Variants in USH2A observed in about 807,000 individuals in gnomAD.
USH2A encodes Usher syndrome 2A (autosomal recessive, mild).
In USH2A, 443 loss-of-function variants were observed where a neutral mutation model predicts 538.9. The ratio of observed to expected loss-of-function variants is 0.82; its 90% CI spans 0.76 to 0.89. The LOEUF (loss-of-function observed/expected upper bound fraction) is 0.89. Among genes scored for constraint, USH2A ranks in the 40% least tolerant of loss-of-function variants. USH2A has a pLI of 0.00. For synonymous variants in USH2A, 2,413 were observed against 2,273.5 expected (o/e 1.06, Z -1.75); for missense variants, 6,633 against 6,324.8 (o/e 1.05, Z -1.65).
chr1:216,062,056 C>T lies in USH2A; in HGVS notation c.6049+8045G>A, dbSNP rs573759085. On this transcript the variant is annotated intron_variant, in intron 30 of 71. Coordinates refer to ENST00000307340, the MANE Select transcript of USH2A (RefSeq NM_206933.4). ...GAAGGTTATATTAGAGATGAGCCAA[C>T]TAAACTATGGAGTTGAGTTTGGGGG... Among the ~76,000 whole-genome samples, 14 of 152,244 alleles carry T rather than the reference C, an allele frequency of 9.2e-5. No homozygotes were observed. In the South Asian group the frequency reaches 2.9e-3, roughly 32 times the overall value.
At position 215,656,857 on chromosome 1, in the gene USH2A, T is replaced by C. The variant is rs189368216; in HGVS notation, c.14134-6056A>G. On this transcript the variant is annotated intron_variant, in intron 64 of 71. Coordinates refer to ENST00000307340, the MANE Select transcript of USH2A (RefSeq NM_206933.4). ...TTATAAAAACTAAGGAATGTGAACATAATTTTGTAACAATTCACATCAGAA... is the reference window on the plus strand; with the variant it reads ...TTATAAAAACTAAGGAATGTGAACACAATTTTGTAACAATTCACATCAGAA... Among the ~76,000 whole-genome samples, 81 of 152,324 alleles carry C rather than the reference T, an allele frequency of 5.3e-4. No homozygotes were observed. The Middle Eastern group carries it at 0.01, about 19-fold the overall frequency.
chr1:215,900,591 A>G (rs931033173), intron 39 of USH2A, 164 bp downstream of exon 39: 17 of 953,118 alleles, frequency 1.8e-5, no homozygotes, highest in Non-Finnish European at 2.3e-5. Flanking sequence ...TGAAAAATAG[A>G]TATTTTTGCA....
At chr1:216,020,370 C>T (rs899290495) in intron 32 of USH2A, among the ~76,000 whole-genome samples, 5 of 152,192 alleles carry the variant, frequency 3.3e-5, no homozygotes, top group East Asian at 1.9e-4. Context: ...TGGCCACATC[C>T]GATCAGTTGA....
intron 11 of USH2A, among the ~76,000 whole-genome samples, chr1:216,256,832 T>C (rs763635140): frequency 1.3e-5 from 2 of 152,016 alleles, no homozygotes; most frequent in Non-Finnish European, 2.9e-5. Flanking sequence ...GTAAGGTTTT[T>C]GGTCAATGGT....
chr1:215,742,086 C>T (rs550868982), intron 59 of USH2A, among the ~76,000 whole-genome samples: 6 of 152,188 alleles, frequency 3.9e-5, no homozygotes, highest in Non-Finnish European at 7.4e-5. Flanking sequence ...ATTATTTTCA[C>T]GTTTATCAGG....
At chr1:216,096,549 T>C (rs146857017) in intron 22 of USH2A, among the ~76,000 whole-genome samples, 44 of 152,338 alleles carry the variant, frequency 2.9e-4, no homozygotes, top group African/African-American at 1.0e-3. Context: ...CTATAATACA[T>C]AGAATCCTAA....
intron 3 of USH2A, among the ~76,000 whole-genome samples, chr1:216,389,606 C>T (rs1332996398): frequency 6.6e-6 from 1 of 152,106 alleles, no homozygotes; most frequent in East Asian, 1.9e-4. Context: ...CTTTCCCTCA[C>T]TTATATACTT....
intron 16 of USH2A, chr1:216,204,510 C>G (rs1018079445): frequency 1.3e-5 from 2 of 152,048 alleles, no homozygotes; most frequent in Non-Finnish European, 2.9e-5. Flanking sequence ...CTTAGAGAAT[C>G]CCATAGTACA....
chr1:215,742,874 G>T (rs146990918), intron 59 of USH2A, among the ~76,000 whole-genome samples: 1 of 152,008 alleles, frequency 6.6e-6, no homozygotes, highest in South Asian at 2.1e-4. Context: ...ACTCATTTTT[G>T]TTTTATATTA....
chr1:215,809,192 C>T (rs1385440915), intron 49 of USH2A, among the ~76,000 whole-genome samples: 1 of 152,036 alleles, frequency 6.6e-6, no homozygotes, highest in Non-Finnish European at 1.5e-5. Context: ...TTTTTGTCTT[C>T]ACAGTCAAAG....
chr1:216,391,794 C>T (rs2039113581), intron 3 of USH2A, among the ~76,000 whole-genome samples: 1 of 152,226 alleles, frequency 6.6e-6, no homozygotes, highest in Non-Finnish European at 1.5e-5. Context: ...TGTGACCTCT[C>T]AAGTAGATTC....
intron 61 of USH2A, among the ~76,000 whole-genome samples, chr1:215,691,883 T>C (rs1658624324): frequency 1.3e-5 from 2 of 152,064 alleles, no homozygotes; most frequent in African/African-American, 4.8e-5. Context: ...TGAATGAGTC[T>C]AGGAATAGTC....
chr1:216,370,676 T>TCAAAAAAAAAAA (rs1558058401), intron 3 of USH2A, among the ~76,000 whole-genome samples: 1 of 5,996 alleles, frequency 1.7e-4, no homozygotes, highest in Admixed American at 2.0e-3. Flanking sequence ...AGACTCTGTC[T>TCAAAAAAAAAAA]CAAAAAAAAA....
intron 15 of USH2A, among the ~76,000 whole-genome samples, chr1:216,216,139 C>T (rs1399289614): frequency 6.6e-6 from 1 of 152,038 alleles, no homozygotes; most frequent in Non-Finnish European, 1.5e-5. Context: ...AATTGTATTG[C>T]TAATCAATAA....
chr1:216,378,665 G>A (rs895159947), intron 3 of USH2A, among the ~76,000 whole-genome samples: 1 of 151,916 alleles, frequency 6.6e-6, no homozygotes, highest in Admixed American at 6.6e-5. Context: ...CTCTCAATAT[G>A]TTTCTTATTT....
At chr1:216,032,636 C>T (rs192482180) in intron 32 of USH2A, among the ~76,000 whole-genome samples, 62 of 152,196 alleles carry the variant, frequency 4.1e-4, no homozygotes, top group African/African-American at 1.1e-3. Flanking sequence ...AAACTAACTA[C>T]GAGCAATTTA....
At chr1:216,091,897 C>A (rs576206246) in intron 22 of USH2A, among the ~76,000 whole-genome samples, 1 of 152,110 alleles carries the variant, frequency 6.6e-6, no homozygotes, top group South Asian at 2.1e-4. Flanking sequence ...GAAAAACAGA[C>A]AAATTTGAAC....
intron 3 of USH2A, 64 bp from the exon 4 acceptor site, chr1:216,365,149 T>C: frequency 6.5e-7 from 1 of 1,544,412 alleles, no homozygotes; most frequent in Non-Finnish European, 8.7e-7. Context: ...TTAAACACAT[T>C]TCAGCAGTTT....
chr1:215,754,097 G>A (rs963353232), intron 58 of USH2A, among the ~76,000 whole-genome samples: 9 of 152,110 alleles, frequency 5.9e-5, no homozygotes, highest in East Asian at 1.9e-4. Flanking sequence ...TTTGAGATTC[G>A]AATTTCTTAT....
Sources: allele counts gnomAD v4.1 joint callset (sites outside exome capture counted in the v4.1 genomes callset), GRCh38; gene constraint gnomAD v4.1.1; transcripts MANE v1.5; gene names NCBI Gene and HGNC (gene_info 2026-07-23, HGNC 2026-07-21).